KIF18A: variants seen among roughly 807,000 people sequenced by gnomAD.
KIF18A encodes kinesin family member 18A, also known as kinesin-like protein KIF18A.
KIF18A carries 67 observed loss-of-function variants against 103.3 expected under a neutral mutation model. The observed-to-expected ratio is 0.65, with a 90% CI of 0.53 to 0.79. The LOEUF (loss-of-function observed/expected upper bound fraction) is 0.79. Ranked by LOEUF, KIF18A falls within the 30% of genes least tolerant of loss-of-function variation. The pLI is 0.00. For missense variants in KIF18A, 1,032 were observed against 1,062.5 expected (o/e 0.97, Z 0.40); for synonymous variants, 367 against 355.5 (o/e 1.03, Z -0.36).
chr11:28,077,203 T>A, intron 9 of KIF18A, 34 bp from the exon 10 acceptor site: 2 of 1,459,328 alleles, frequency 1.4e-6, no homozygotes, highest in Non-Finnish European at 1.8e-6. Flanking sequence ...AGAATCTCAC[T>A]AATTTTGTAG....
chr11:28,059,195 AAT>A, intron 12 of KIF18A, 34 bp from the exon 13 acceptor site: 1 of 1,391,122 alleles, frequency 7.2e-7, no homozygotes, highest in Non-Finnish European at 1.0e-6. Flanking sequence ...AGGAGAGATA[AAT>A]ATGACATTTT....
intron 9 of KIF18A, among the ~76,000 whole-genome samples, chr11:28,078,468 T>A (rs1274124370): frequency 6.6e-6 from 1 of 152,128 alleles, no homozygotes; most frequent in Non-Finnish European, 1.5e-5. Context: ...TTATTTTAGG[T>A]GGTGGTGTTC....
intron 10 of KIF18A, 72 bp downstream of exon 10, chr11:28,076,935 G>GA (rs11433506): frequency 0.27 from 78,168 of 293,788 alleles, 6,770 homozygotes; most frequent in African/African-American, 0.57. Flanking sequence ...GACTCCTTCT[G>GA]AAAAAAAAAA....
chr11:28,105,641 AT>A (rs2133572661), intron 1 of KIF18A, among the ~76,000 whole-genome samples: 1 of 152,212 alleles, frequency 6.6e-6, no homozygotes, highest in East Asian at 1.9e-4. Flanking sequence ...CCACTCTCTT[AT>A]ATTTCCTTAC....
At chr11:28,096,864 ATCTC>A (rs4029361) in intron 2 of KIF18A, among the ~76,000 whole-genome samples, 67,698 of 147,764 alleles carry the variant, frequency 0.46, 16,780 homozygotes, top group Admixed American at 0.56. Flanking sequence ...CATCTTGGGT[ATCTC>A]TCTCTCTCTC....
chr11:28,101,320 T>A (rs142976746), intron 1 of KIF18A, among the ~76,000 whole-genome samples: 130 of 152,308 alleles, frequency 8.5e-4, no homozygotes, highest in African/African-American at 2.9e-3. Flanking sequence ...ATACTATTTT[T>A]AAATGATAGA....
intron 13 of KIF18A, among the ~76,000 whole-genome samples, chr11:28,053,668 A>G (rs12795714): frequency 1.3e-5 from 2 of 150,432 alleles, no homozygotes; most frequent in African/African-American, 4.9e-5. Flanking sequence ...CCCCCACCCC[A>G]TAACAGGCCC....
intron 9 of KIF18A, among the ~76,000 whole-genome samples, chr11:28,081,493 AC>A (rs1272542392): frequency 6.6e-6 from 1 of 152,182 alleles, no homozygotes; most frequent in Non-Finnish European, 1.5e-5. Flanking sequence ...AAATAGAACA[AC>A]AAAGTCTAGA....
At chr11:28,085,416 A>C (rs1398802213) in intron 6 of KIF18A, among the ~76,000 whole-genome samples, 2 of 152,160 alleles carry the variant, frequency 1.3e-5, no homozygotes, top group African/African-American at 2.4e-5. Flanking sequence ...GTCCACTTTC[A>C]TGTTCCTCCT....
chr11:28,057,630 A>G (rs929199116), intron 13 of KIF18A, among the ~76,000 whole-genome samples: 1 of 152,198 alleles, frequency 6.6e-6, no homozygotes, highest in Non-Finnish European at 1.5e-5. Flanking sequence ...TACTAAGTAC[A>G]GAAAAAAATT....
At chr11:28,059,204 T>C in intron 12 of KIF18A, 43 bp from the exon 13 acceptor site, 3 of 1,330,220 alleles carry the variant, frequency 2.3e-6, no homozygotes. Flanking sequence ...AAATATGACA[T>C]TTTAAACACA....
At chr11:28,047,056 G>GAAAAAAAAAAAAAAAAAAAAAAAAAAA (rs60204007) in intron 13 of KIF18A, among the ~76,000 whole-genome samples, 1 of 71,130 alleles carries the variant, frequency 1.4e-5, no homozygotes, top group Non-Finnish European at 2.4e-5. Context: ...CTTCGTCTCA[G>GAAAAAAAAAAAAAAAAAAAAAAAAAAA]AAAAAAAAAA....
At chr11:28,069,551 T>G in intron 10 of KIF18A, 128 bp from the exon 11 acceptor site, 1 of 831,216 alleles carries the variant, frequency 1.2e-6, no homozygotes, top group East Asian at 2.8e-5. Context: ...TTTTTGTATT[T>G]AAAGCTATTT....
At chr11:28,060,352 A>T (rs558084631) in intron 12 of KIF18A, among the ~76,000 whole-genome samples, 1 of 152,302 alleles carries the variant, frequency 6.6e-6, no homozygotes, top group South Asian at 2.1e-4. Context: ...GTGGGAAAAG[A>T]CTAATCGGGC....
chr11:28,037,733 T>A (rs148331826), intron 13 of KIF18A, among the ~76,000 whole-genome samples: 1 of 151,754 alleles, frequency 6.6e-6, no homozygotes, highest in African/African-American at 2.4e-5. Flanking sequence ...TTCACCCTCA[T>A]CACTCTGGAG....
At chr11:28,042,416 A>C (rs1850572057) in intron 13 of KIF18A, among the ~76,000 whole-genome samples, 1 of 151,962 alleles carries the variant, frequency 6.6e-6, no homozygotes, top group African/African-American at 2.4e-5. Context: ...TTCCAGGCAT[A>C]GACATACTAT....
At position 28,069,316 on chromosome 11, in the gene KIF18A, C is replaced by T; in HGVS notation, c.1533G>A (p.Trp511Ter). 9 of 1,613,436 alleles carry T rather than the reference C, an allele frequency of 5.6e-6. No individual in the cohort carries two copies. Among genetic ancestry groups the T allele is most frequent in the Non-Finnish European group, 7.6e-6 (9 of 1,179,610 alleles). Residue 511 changes from tryptophan (W) to a stop codon, truncating the protein, a stop_gained, in exon 11 of 17, where the codon TGG (tryptophan) becomes TGA (stop). Coordinates refer to ENST00000263181, the MANE Select transcript of KIF18A (RefSeq NM_031217.4). LOFTEE classifies it high-confidence loss of function. ...ELKQFDENTN[W>*]LHRVEKEMGL... ...CCATTTCTTTTTCGACACGATGGAG[C>T]CAATTAGTATTCTCATCAAATTGCT...
chr11:28,094,858 C>T, intron 2 of KIF18A, 58 bp from the exon 3 acceptor site: 2 of 1,490,630 alleles, frequency 1.3e-6, no homozygotes, highest in Non-Finnish European at 1.9e-6. Context: ...TCTATTATAT[C>T]TACTATCTAG....
At position 28,036,288 on chromosome 11, in the gene KIF18A, G is replaced by A. The variant is rs763845145; in HGVS notation, c.2325C>T (p.Asp775=). ...GTAATTTACACTTCGAGCTCTTGAT[G>A]TCTTCACATATAGTAAATGTAGAGT... ...DLDSTFTICE[D]IKSSKCKLPE... Residue 775 remains aspartate, a synonymous_variant, in exon 14 of 17, where the codon GAC becomes GAT. Transcript: ENST00000263181. 1 of 1,610,108 alleles carries A rather than the reference G, an allele frequency of 6.2e-7. No individual in the cohort carries two copies. The highest frequency in any genetic ancestry group is 8.5e-7 in the Non-Finnish European group (1 of 1,177,636).
Sources: gnomAD v4.1 joint callset for allele counts (sites outside exome capture counted in the v4.1 genomes callset) on GRCh38, gnomAD v4.1.1 for gene constraint, MANE v1.5 for transcripts, NCBI Gene and HGNC (gene_info 2026-07-23, HGNC 2026-07-21) for gene names.